LAMA4: variants seen among roughly 807,000 people sequenced by gnomAD.
The protein encoded by LAMA4 is laminin subunit alpha 4.
Under a neutral mutation model 207.1 loss-of-function variants are expected in LAMA4, and 127 were observed. The ratio of observed to expected loss-of-function variants is 0.61; its 90% CI spans 0.53 to 0.71. LAMA4 has a LOEUF of 0.71. Ranked by LOEUF, LAMA4 falls within the 30% of genes least tolerant of loss-of-function variation. The probability of loss-of-function intolerance (pLI) is 0.00; values close to 1 mark genes in which losing one functional copy is unlikely to be tolerated. For synonymous variants in LAMA4, 761 were observed against 816.0 expected (o/e 0.93, Z 1.15); for missense variants, 2,093 against 2,246.5 (o/e 0.93, Z 1.38).
At chr6:112,203,876 TTTAGAGC>T (rs1783904304) in intron 4 of LAMA4, among the ~76,000 whole-genome samples, 1 of 152,178 alleles carries the variant, frequency 6.6e-6, no homozygotes, top group Non-Finnish European at 1.5e-5. Flanking sequence ...TGCATCTAGA[TTTAGAGC>T]ACATTCTCTA....
chr6:112,136,230 G>A lies in LAMA4; in HGVS notation c.3307C>T (p.Arg1103Cys), dbSNP rs113109272. 5.8e-5 allele frequency: 93 copies of A among 1,611,112 alleles called. No homozygotes were observed. The highest frequency in any genetic ancestry group is 5.2e-4 in the Admixed American group (31 of 59,996). Reference sequence around the variant, plus strand: ...TAGAACACATGTAGGTAACCATTGCGCATTTCCAGTCTGAAAAACATACTC... The same window carrying A: ...TAGAACACATGTAGGTAACCATTGCACATTTCCAGTCTGAAAAACATACTC... ...NGSMFFRLEM[R>C]NGYLHVFYDF... The change falls in exon 25 of 39, where the codon CGC becomes TGC. Residue 1103 changes from arginine (R) to cysteine (C), a missense_variant. Transcript: ENST00000230538.
At chr6:112,156,986 T>C (rs1380620325) in intron 14 of LAMA4, among the ~76,000 whole-genome samples, 9 of 152,154 alleles carry the variant, frequency 5.9e-5, no homozygotes, top group Non-Finnish European at 1.2e-4. Context: ...TTAATCTTTA[T>C]ACCAATGCAG....
intron 2 of LAMA4, among the ~76,000 whole-genome samples, chr6:112,230,536 T>C (rs1554364114): frequency 6.6e-6 from 1 of 152,230 alleles, no homozygotes; most frequent in East Asian, 1.9e-4. Flanking sequence ...ATTTAATGCA[T>C]TTAATGTTCA....
At chr6:112,142,032 G>A in intron 20 of LAMA4, 87 bp downstream of exon 20, 2 of 1,387,176 alleles carry the variant, frequency 1.4e-6, no homozygotes, top group South Asian at 1.2e-5. Flanking sequence ...GTTTTGGTTT[G>A]TTTGCCTAGG....
intron 2 of LAMA4, among the ~76,000 whole-genome samples, chr6:112,241,930 A>C (rs782414726): frequency 2.6e-5 from 4 of 152,190 alleles, no homozygotes; most frequent in Admixed American, 1.3e-4. Context: ...TCTAGGACAC[A>C]GACTGCACTC....
Position 112,187,487 on chromosome 6 carries a change from T to C in LAMA4, c.929A>G (p.His310Arg). The change falls in exon 8 of 39, where the codon CAC becomes CGC. Residue 310 changes from histidine (H) to arginine (R), a missense_variant. Physicochemically the swap from His to Arg is conservative, Grantham distance 29 (BLOSUM62 0). Around this residue, in one of 3 missense-constraint regions of LAMA4, gnomAD observed 1,704 missense variants for 1,788.4 expected, o/e 0.95. Transcript: ENST00000230538. Reference protein sequence around the residue: ...SVSSGAAAHRHVNEINATIYL... With the variant: ...SVSSGAAAHRRVNEINATIYL... Reference sequence around the variant, plus strand: ...GATGGTGGCGTTGATTTCATTCACGTGCCTATGAGCGGCGGCCCCAGAGGA... The same window carrying C: ...GATGGTGGCGTTGATTTCATTCACGCGCCTATGAGCGGCGGCCCCAGAGGA... The C allele has an allele frequency of 6.2e-7, 1 of 1,614,086 alleles. No homozygotes were observed. The highest frequency in any genetic ancestry group is 8.5e-7 in the Non-Finnish European group (1 of 1,179,994).
At chr6:112,155,970 T>C (rs1333623726) in intron 14 of LAMA4, among the ~76,000 whole-genome samples, 1 of 152,230 alleles carries the variant, frequency 6.6e-6, no homozygotes, top group Admixed American at 6.5e-5. Flanking sequence ...AACAGCCCTC[T>C]GCACTTCTTC....
intron 2 of LAMA4, among the ~76,000 whole-genome samples, chr6:112,240,546 C>G (rs924155381): frequency 7.9e-5 from 12 of 152,146 alleles, no homozygotes; most frequent in East Asian, 1.9e-4. Flanking sequence ...TCCACCAACC[C>G]CCTACTACCC....
intron 2 of LAMA4, among the ~76,000 whole-genome samples, chr6:112,217,029 T>TA (rs1394375731): frequency 6.6e-6 from 1 of 152,212 alleles, no homozygotes; most frequent in African/African-American, 2.4e-5. Context: ...AATGAGTTCT[T>TA]ACACTTGTCA....
intron 12 of LAMA4, chr6:112,166,544 G>C (rs1168430848): frequency 6.5e-6 from 1 of 153,594 alleles, no homozygotes; most frequent in Non-Finnish European, 1.5e-5. Flanking sequence ...TACCCCTTCT[G>C]TAAGTTCTCT....
intron 31 of LAMA4, among the ~76,000 whole-genome samples, chr6:112,124,137 C>T (rs1048839614): frequency 6.6e-6 from 1 of 152,192 alleles, no homozygotes; most frequent in Non-Finnish European, 1.5e-5. Flanking sequence ...AAATACTTTG[C>T]ACAGGGCCTG....
chr6:112,142,889 A>C (rs1349436502), intron 19 of LAMA4, among the ~76,000 whole-genome samples: 1 of 152,182 alleles, frequency 6.6e-6, no homozygotes, highest in Admixed American at 6.5e-5. Flanking sequence ...GAGGATAATA[A>C]ATTTGTTGTG....
At chr6:112,187,293 A>G (rs1782741625) in intron 8 of LAMA4, 157 bp downstream of exon 8, 1 of 857,504 alleles carries the variant, frequency 1.2e-6, no homozygotes, top group South Asian at 1.4e-5. Flanking sequence ...ATAATTTCCT[A>G]TGAAATTACT....
In LAMA4 at chr6:112,139,123, A is replaced by G. The variant is rs781888604; in HGVS notation, c.3279T>C (p.Asn1093=). 1.9e-6 allele frequency: 3 copies of G among 1,613,818 alleles called. No individual in the cohort carries two copies. Among genetic ancestry groups the G allele is most frequent in the East Asian group, 4.5e-5 (2 of 44,896 alleles). The change falls in exon 24 of 39, where the codon AAT becomes AAC. Residue 1093 remains asparagine, a synonymous_variant. Coordinates refer to ENST00000230538, the MANE Select transcript of LAMA4 (RefSeq NM_001105206.3). The part of the protein sequence containing the change: ...ADNGLILLMV[N]GSMFFRLEMR... ...TAGGACTTGTATTTTTACTCACTCC[A>G]TTGACCATCAGGAGAATAAGGCCGT...
intron 15 of LAMA4, 61 bp from the exon 16 acceptor site, chr6:112,155,008 T>A (rs2277084): frequency 1.5e-5 from 16 of 1,085,482 alleles, no homozygotes; most frequent in Non-Finnish European, 2.1e-5. Flanking sequence ...CTATTCATAG[T>A]TGAAGGATTT....
chr6:112,137,670 A>G (rs1349092921), intron 24 of LAMA4, among the ~76,000 whole-genome samples: 3 of 152,240 alleles, frequency 2.0e-5, no homozygotes, highest in African/African-American at 7.2e-5. Context: ...CCGAAATAAT[A>G]GAATATTTAC....
At chr6:112,195,388 T>G (rs772372459) in intron 5 of LAMA4, among the ~76,000 whole-genome samples, 17 of 152,150 alleles carry the variant, frequency 1.1e-4, no homozygotes, top group Non-Finnish European at 1.9e-4. Flanking sequence ...GAGTAAGGAA[T>G]CATAAGAACT....
chr6:112,144,812 G>C lies in LAMA4; in HGVS notation c.2475C>G (p.Thr825=), dbSNP rs189313630. ...CAGTTACCTTGCTGGCAACACTTCT[G>C]GTCTGAGCAATGAGCTCTCGGATCC... ...IQRIRELIAQ[T]RSVASKIQVS... Residue 825 remains threonine (T), a synonymous_variant, in exon 19 of 39, where the codon ACC becomes ACG. Transcript: ENST00000230538. The C allele has an allele frequency of 1.9e-5, 30 of 1,613,478 alleles. No homozygotes were observed. Among genetic ancestry groups the C allele is most frequent in the Non-Finnish European group, 2.5e-5 (29 of 1,180,012 alleles).
chr6:112,175,985 G>T (rs1782001902), intron 10 of LAMA4, among the ~76,000 whole-genome samples: 1 of 152,180 alleles, frequency 6.6e-6, no homozygotes, highest in South Asian at 2.1e-4. Context: ...AAAGCTTTAA[G>T]CCCAAATGAG....
Sources: allele counts gnomAD v4.1 joint callset (sites outside exome capture counted in the v4.1 genomes callset), GRCh38; gene constraint gnomAD v4.1.1; regional missense constraint gnomAD v4.1.1; transcripts MANE v1.5; gene names NCBI Gene and HGNC (gene_info 2026-07-23, HGNC 2026-07-21).